The following ALK variants were observed in gnomAD, a reference collection of about 807,000 sequenced individuals.
ALK encodes ALK tyrosine kinase receptor.
ALK carries 74 observed loss-of-function variants against 163.1 expected under a neutral mutation model. The observed-to-expected ratio is 0.45, with a 90% CI of 0.38 to 0.55. The LOEUF (loss-of-function observed/expected upper bound fraction) is 0.55, where lower values mean the gene tolerates loss of function less well. ALK is among the 20% of genes least tolerant of loss of function. ALK has a pLI of 0.00. For synonymous variants in ALK, 960 were observed against 843.2 expected (o/e 1.14, Z -2.40); for missense variants, 2,063 against 2,105.3 (o/e 0.98, Z 0.39).
At chr2:29,385,119 A>ATTTT (rs11295853) in intron 4 of ALK, among the ~76,000 whole-genome samples, 1 of 147,018 alleles carries the variant, frequency 6.8e-6, no homozygotes, top group African/African-American at 2.5e-5. Context: ...AATATTTCAC[A>ATTTT]TTTTTTTTTT....
intron 4 of ALK, among the ~76,000 whole-genome samples, chr2:29,487,301 T>C (rs1464208997): frequency 1.3e-5 from 2 of 152,140 alleles, no homozygotes; most frequent in Admixed American, 6.5e-5. Flanking sequence ...AGGACAGCGA[T>C]TGAGCCTGAG....
chr2:29,565,596 T>A (rs1469874254), intron 3 of ALK, among the ~76,000 whole-genome samples: 1 of 152,120 alleles, frequency 6.6e-6, no homozygotes, highest in Non-Finnish European at 1.5e-5. Context: ...TTCATGAGGT[T>A]CTTCAGTGGA....
intron 1 of ALK, among the ~76,000 whole-genome samples, chr2:29,767,726 A>C (rs1680902531): frequency 6.6e-6 from 1 of 152,186 alleles, no homozygotes; most frequent in Admixed American, 6.5e-5. Flanking sequence ...AGTACACTCC[A>C]GTGATGAAAT....
At chr2:29,750,694 A>AGGAG in intron 1 of ALK, among the ~76,000 whole-genome samples, 1 of 130,358 alleles carries the variant, frequency 7.7e-6, no homozygotes, top group African/African-American at 2.9e-5. Context: ...GAAGGAAGGA[A>AGGAG]GGAAGGCAGG....
intron 3 of ALK, among the ~76,000 whole-genome samples, chr2:29,537,349 C>T (rs1347614402): frequency 6.6e-6 from 1 of 152,246 alleles, no homozygotes; most frequent in Non-Finnish European, 1.5e-5. Flanking sequence ...AGCCTCATGA[C>T]ACTGCTCCTT....
chr2:29,659,501 T>G (rs899310678), intron 3 of ALK, among the ~76,000 whole-genome samples: 1 of 152,130 alleles, frequency 6.6e-6, no homozygotes, highest in African/African-American at 2.4e-5. Context: ...ACACACTTTC[T>G]GTGAGCAGCC....
At chr2:29,773,408 C>A (rs1443373260) in intron 1 of ALK, among the ~76,000 whole-genome samples, 1 of 152,122 alleles carries the variant, frequency 6.6e-6, no homozygotes, top group Non-Finnish European at 1.5e-5. Flanking sequence ...TAGGAAGTGA[C>A]CTCTCTCTTC....
At chr2:29,593,118 G>A (rs936103544) in intron 3 of ALK, among the ~76,000 whole-genome samples, 1 of 152,234 alleles carries the variant, frequency 6.6e-6, no homozygotes, top group Non-Finnish European at 1.5e-5. Flanking sequence ...GGCCTCACGA[G>A]TTCAGACAAA....
chr2:29,731,258 C>G (rs1221724728), intron 1 of ALK, among the ~76,000 whole-genome samples: 1 of 152,168 alleles, frequency 6.6e-6, no homozygotes, highest in African/African-American at 2.4e-5. Context: ...CTGTGTGTAG[C>G]CTCATCTGTC....
intron 5 of ALK, among the ~76,000 whole-genome samples, chr2:29,340,650 T>A (rs2148270182): frequency 6.6e-6 from 1 of 152,360 alleles, no homozygotes; most frequent in South Asian, 2.1e-4. Context: ...TACTCAAGGC[T>A]TTATGAGCGT....
At chr2:29,779,898 T>C (rs969095798) in intron 1 of ALK, among the ~76,000 whole-genome samples, 2 of 152,186 alleles carry the variant, frequency 1.3e-5, no homozygotes, top group Non-Finnish European at 2.9e-5. Flanking sequence ...GCTAGCCACT[T>C]TGGGACAATT....
chr2:29,553,355 T>C (rs1199403105), intron 3 of ALK, among the ~76,000 whole-genome samples: 1 of 152,224 alleles, frequency 6.6e-6, no homozygotes, highest in East Asian at 1.9e-4. Flanking sequence ...GCCTTGATGT[T>C]GAACTTTGCA....
At chr2:29,637,714 A>AAAAAAC (rs1410531327) in intron 3 of ALK, among the ~76,000 whole-genome samples, 2 of 151,530 alleles carry the variant, frequency 1.3e-5, no homozygotes, top group African/African-American at 4.9e-5. Flanking sequence ...GTCTCCAAAA[A>AAAAAAC]AAAAAAAAGA....
At chr2:29,842,598 A>G (rs982697659) in intron 1 of ALK, among the ~76,000 whole-genome samples, 1 of 152,244 alleles carries the variant, frequency 6.6e-6, no homozygotes, top group Non-Finnish European at 1.5e-5. Flanking sequence ...GACTCTGGAC[A>G]GTTCTCAATT....
intron 4 of ALK, among the ~76,000 whole-genome samples, chr2:29,387,908 C>A (rs1669070958): frequency 6.6e-6 from 1 of 152,156 alleles, no homozygotes; most frequent in Admixed American, 6.5e-5. Context: ...GGCAATGCAA[C>A]CTATGGATCA....
intron 6 of ALK, among the ~76,000 whole-genome samples, chr2:29,326,735 T>C (rs1055843812): frequency 2.6e-5 from 4 of 152,230 alleles, no homozygotes; most frequent in African/African-American, 9.6e-5. Context: ...GTTTTAAAAA[T>C]GGGAAAATGA....
chr2:29,457,552 T>C (rs749995114), intron 4 of ALK, among the ~76,000 whole-genome samples: 9 of 152,264 alleles, frequency 5.9e-5, no homozygotes, highest in South Asian at 4.2e-4. Flanking sequence ...CTGAACCCTA[T>C]TGTACACTTG....
intron 3 of ALK, among the ~76,000 whole-genome samples, chr2:29,570,961 T>C (rs753075996): frequency 1.3e-5 from 2 of 152,108 alleles, no homozygotes; most frequent in Admixed American, 6.5e-5. Flanking sequence ...GTTTATATTA[T>C]GGATAATTAC....
chr2:29,694,641 G>A (rs1678499222), intron 3 of ALK, among the ~76,000 whole-genome samples: 1 of 152,232 alleles, frequency 6.6e-6, no homozygotes. Context: ...ACTTGTTAAA[G>A]AATAAAGGTT....
Sources: allele counts gnomAD v4.1 joint callset (sites outside exome capture counted in the v4.1 genomes callset), GRCh38; gene constraint gnomAD v4.1.1; transcripts MANE v1.5; gene names NCBI Gene and HGNC (gene_info 2026-07-23, HGNC 2026-07-21).